The following NTSR2 variants were observed in gnomAD, a reference collection of about 807,000 sequenced individuals.
The protein encoded by NTSR2 is neurotensin receptor type 2.
Under a neutral mutation model 24.1 loss-of-function variants are expected in NTSR2, and 22 were observed. The observed-to-expected ratio is 0.91, with a 90% CI of 0.65 to 1.30. The LOEUF (loss-of-function observed/expected upper bound fraction) is 1.30, where lower values mean the gene tolerates loss of function less well. NTSR2 is among the 50% of genes most tolerant of loss of function. The pLI is 0.00. For missense variants in NTSR2, 570 were observed against 570.4 expected (o/e 1.00, Z 0.01); for synonymous variants, 291 against 267.0 (o/e 1.09, Z -0.88).
chr2:11,659,321 C>T (rs1316476604), intron 3 of NTSR2, among the ~76,000 whole-genome samples: 2 of 152,228 alleles, frequency 1.3e-5, no homozygotes, highest in Non-Finnish European at 2.9e-5. Context: ...CCGGGTGCCC[C>T]GGACTGCTGC....
chr2:11,665,527 AAT>A (rs1473688443), intron 1 of NTSR2: 1 of 151,492 alleles, frequency 6.6e-6, no homozygotes, highest in Non-Finnish European at 1.5e-5. Context: ...TGAACAAAAA[AAT>A]AGAGTGCCAC....
intron 1 of NTSR2, among the ~76,000 whole-genome samples, chr2:11,666,427 G>A (rs1042837974): frequency 6.6e-6 from 1 of 152,224 alleles, no homozygotes; most frequent in African/African-American, 2.4e-5. Flanking sequence ...TAGGCCGGGC[G>A]TGGTGGCTCA....
intron 2 of NTSR2, among the ~76,000 whole-genome samples, chr2:11,660,556 A>G (rs1333595551): frequency 6.6e-6 from 1 of 152,134 alleles, no homozygotes; most frequent in Non-Finnish European, 1.5e-5. Context: ...AGTTGAGGTC[A>G]GGTGTTTGAG....
chr2:11,664,772 A>G (rs763083702), intron 1 of NTSR2, among the ~76,000 whole-genome samples: 5 of 152,166 alleles, frequency 3.3e-5, no homozygotes, highest in Non-Finnish European at 1.5e-5. Context: ...ACTGTAAGCA[A>G]TTTTCTTGGA....
Position 11,662,776 on chromosome 2 carries a change from G to A in NTSR2, c.625-536C>T, listed in dbSNP as rs560210049. 8.8e-5 allele frequency among the ~76,000 whole-genome samples: 13 copies of A among 147,040 alleles called. No homozygotes were observed. The South Asian group carries it at 1.9e-3, about 22-fold the overall frequency. Reference sequence around the variant, plus strand: ...AGCCTGGGCAACAGAGCGAGACTCCGTCTCAAAAAAAAAATGCATTCAAGA... The same window carrying A: ...AGCCTGGGCAACAGAGCGAGACTCCATCTCAAAAAAAAAATGCATTCAAGA... On this transcript the variant is annotated intron_variant, in intron 1 of 3. Coordinates refer to ENST00000306928, the MANE Select transcript of NTSR2 (RefSeq NM_012344.4).
intron 1 of NTSR2, among the ~76,000 whole-genome samples, chr2:11,663,744 A>G (rs1661132843): frequency 1.3e-5 from 2 of 152,324 alleles, no homozygotes; most frequent in South Asian, 2.1e-4. Context: ...AGGCAGGGAC[A>G]GGAATGTGGG....
chr2:11,660,189 G>A, intron 2 of NTSR2, 56 bp from the exon 3 acceptor site: 1 of 1,363,116 alleles, frequency 7.3e-7, no homozygotes, highest in African/African-American at 1.4e-5. Context: ...CACATTCTCA[G>A]TTACACCATT....
chr2:11,667,090 C>T (rs12612207), intron 1 of NTSR2, among the ~76,000 whole-genome samples: 65,511 of 152,142 alleles, frequency 0.43, 15,887 homozygotes, highest in South Asian at 0.62. Flanking sequence ...GAACGCTACC[C>T]ACAGACACCC....
Position 11,658,574 on chromosome 2 carries a change from G to A in NTSR2, c.1138C>T (p.His380Tyr). 6.2e-7 allele frequency: 1 copy of A among 1,614,196 alleles called. No individual in the cohort carries two copies. The highest frequency in any genetic ancestry group is 1.1e-5 in the South Asian group (1 of 91,076). ...GGGGGTAACCGCTTCATGGGGTGGT[G>A]CTCTCCACACAGGGAGCTGACGGCT... is the stretch of plus-strand genomic sequence containing the variant. ...LEAVSSLCGE[H>Y]HPMKRLPPKP... The change falls in exon 4 of 4, where the codon CAC becomes TAC. Residue 380 changes from histidine to tyrosine, a missense_variant. Coordinates refer to ENST00000306928, the MANE Select transcript of NTSR2 (RefSeq NM_012344.4).
At position 11,658,318 on chromosome 2, in the gene NTSR2, A is replaced by T; in HGVS notation, c.*161T>A. The T allele has an allele frequency of 1.1e-6, 1 of 903,392 alleles. No homozygotes were observed. The highest frequency in any genetic ancestry group is 1.7e-6 in the Non-Finnish European group (1 of 603,382). The allele number at this position is 903,392 out of a possible 1,614,324, so 56.0% of individuals were successfully genotyped here. On this transcript the variant is annotated 3_prime_UTR_variant, in exon 4 of 4. Transcript: ENST00000306928. ...AGGGAGCCTGAGGCTAGGAGGGGTC[A>T]CGTGGCTTCCCTGCGCTTGATGGTT...
chr2:11,668,142 G>A (rs924901001), intron 1 of NTSR2, among the ~76,000 whole-genome samples: 13 of 152,172 alleles, frequency 8.5e-5, no homozygotes, highest in African/African-American at 2.7e-4. Context: ...GAAACAAAGC[G>A]GCTCCACTGA....
At chr2:11,658,778 C>T in intron 3 of NTSR2, 56 bp from the exon 4 acceptor site, 1 of 1,588,460 alleles carries the variant, frequency 6.3e-7, no homozygotes, top group South Asian at 1.1e-5. Flanking sequence ...TCACAGTGTC[C>T]ACTTCCTACT....
chr2:11,666,638 G>A (rs961228698), intron 1 of NTSR2, among the ~76,000 whole-genome samples: 7 of 152,236 alleles, frequency 4.6e-5, no homozygotes, highest in African/African-American at 1.7e-4. Flanking sequence ...GGCCGAGGTT[G>A]CAGTGAGCCG....
chr2:11,661,509 G>C (rs994280676), intron 2 of NTSR2, among the ~76,000 whole-genome samples: 1 of 152,174 alleles, frequency 6.6e-6, no homozygotes, highest in Non-Finnish European at 1.5e-5. Flanking sequence ...GCCTTTTGGA[G>C]TTTCTCTTAC....
At chr2:11,669,395 G>A in intron 1 of NTSR2, 111 bp downstream of exon 1, 1 of 934,612 alleles carries the variant, frequency 1.1e-6, no homozygotes, top group Non-Finnish European at 1.4e-6. Context: ...TTGCTGGGTG[G>A]TGGCGAGCAT....
chr2:11,662,636 C>T (rs559948062), intron 1 of NTSR2, among the ~76,000 whole-genome samples: 8 of 152,292 alleles, frequency 5.3e-5, no homozygotes, highest in South Asian at 4.1e-4. Flanking sequence ...AAAAAATTAG[C>T]TGGGCGTGGT....
At chr2:11,663,151 A>AT (rs966755581) in intron 1 of NTSR2, among the ~76,000 whole-genome samples, 8 of 151,922 alleles carry the variant, frequency 5.3e-5, no homozygotes, top group South Asian at 2.1e-4. Context: ...CAAATTCTCA[A>AT]TTTTTTTTTA....
intron 3 of NTSR2, among the ~76,000 whole-genome samples, chr2:11,659,832 G>A (rs955162134): frequency 6.6e-6 from 1 of 152,094 alleles, no homozygotes; most frequent in Non-Finnish European, 1.5e-5. Flanking sequence ...GGCCTCTTAC[G>A]CACACGGCCT....
chr2:11,667,659 A>G (rs991680507), intron 1 of NTSR2, among the ~76,000 whole-genome samples: 1 of 152,184 alleles, frequency 6.6e-6, no homozygotes, highest in Admixed American at 6.5e-5. Flanking sequence ...AAACTTTTAA[A>G]TGCGAAGTTC....
Sources: gnomAD v4.1 joint callset for allele counts (sites outside exome capture counted in the v4.1 genomes callset) on GRCh38, gnomAD v4.1.1 for gene constraint, MANE v1.5 for transcripts, NCBI Gene and HGNC (gene_info 2026-07-23, HGNC 2026-07-21) for gene names.